The following CLSTN2 variants were observed in gnomAD, a reference collection of about 807,000 sequenced individuals.
The protein encoded by CLSTN2 is calsyntenin-2.
A neutral mutation model predicts 101.2 loss-of-function variants in CLSTN2; 48 were observed. The ratio of observed to expected loss-of-function variants is 0.47; its 90% CI spans 0.38 to 0.60. CLSTN2 has a LOEUF of 0.60. Among genes scored for constraint, CLSTN2 ranks in the 20% least tolerant of loss-of-function variants. The pLI, the probability that CLSTN2 is intolerant of heterozygous loss-of-function variation, is 0.00. For missense variants in CLSTN2, 1,160 were observed against 1,238.2 expected, an observed-to-expected ratio of 0.94 and a Z score of 0.95; for synonymous variants, 481 against 463.6, an observed-to-expected ratio of 1.04 and a Z score of -0.48.
chr3:140,113,006 C>A (rs1483977597), intron 1 of CLSTN2, among the ~76,000 whole-genome samples: 1 of 152,124 alleles, frequency 6.6e-6, no homozygotes, highest in Non-Finnish European at 1.5e-5. Context: ...AACCATCCTT[C>A]TGATGGCTGC....
chr3:140,559,130 T>C (rs1286307042), intron 12 of CLSTN2, among the ~76,000 whole-genome samples: 1 of 149,148 alleles, frequency 6.7e-6, no homozygotes, highest in Non-Finnish European at 1.5e-5. Context: ...CAAAGTTACA[T>C]AGTACCTACA....
intron 1 of CLSTN2, among the ~76,000 whole-genome samples, chr3:140,165,213 A>C (rs1419702822): frequency 6.6e-6 from 1 of 152,178 alleles, no homozygotes; most frequent in African/African-American, 2.4e-5. Context: ...TCTCTGATTA[A>C]GTGATGGCAA....
chr3:140,493,415 C>T (rs1351316484), intron 8 of CLSTN2, among the ~76,000 whole-genome samples: 2 of 152,174 alleles, frequency 1.3e-5, no homozygotes, highest in Non-Finnish European at 2.9e-5. Flanking sequence ...TATAGGGTCT[C>T]TTTGGAATCT....
intron 8 of CLSTN2, among the ~76,000 whole-genome samples, chr3:140,482,858 G>A (rs1479773923): frequency 7.2e-5 from 11 of 151,856 alleles, no homozygotes; most frequent in East Asian, 3.9e-4. Context: ...TCTTGCTAGC[G>A]GTGTATCAAT....
chr3:140,294,780 T>A (rs2086987871), intron 2 of CLSTN2, among the ~76,000 whole-genome samples: 1 of 152,212 alleles, frequency 6.6e-6, no homozygotes, highest in South Asian at 2.1e-4. Context: ...AATTCATTTC[T>A]CACAGCCCTG....
intron 1 of CLSTN2, among the ~76,000 whole-genome samples, chr3:140,149,391 C>A (rs1421506467): frequency 1.3e-5 from 2 of 152,270 alleles, no homozygotes; most frequent in East Asian, 3.9e-4. Flanking sequence ...TGGAAGCCTT[C>A]CTCTTCACCC....
chr3:140,072,742 G>A (rs374935999), intron 1 of CLSTN2, among the ~76,000 whole-genome samples: 3 of 150,916 alleles, frequency 2.0e-5, no homozygotes, highest in South Asian at 2.1e-4. Flanking sequence ...GAAGCTACTC[G>A]GTTTATTTGA....
chr3:140,035,255 G>A (rs1243338730), intron 1 of CLSTN2, among the ~76,000 whole-genome samples: 1 of 152,230 alleles, frequency 6.6e-6, no homozygotes, highest in Non-Finnish European at 1.5e-5. Context: ...GACCAAAAGA[G>A]AGCTTGGAGA....
intron 2 of CLSTN2, among the ~76,000 whole-genome samples, chr3:140,358,177 C>A (rs1379323159): frequency 6.6e-6 from 1 of 152,132 alleles, no homozygotes; most frequent in African/African-American, 2.4e-5. Context: ...CCTCTCCAGT[C>A]TCTCAAAGTG....
At chr3:140,226,376 T>C (rs2086320264) in intron 2 of CLSTN2, among the ~76,000 whole-genome samples, 1 of 152,186 alleles carries the variant, frequency 6.6e-6, no homozygotes, top group Non-Finnish European at 1.5e-5. Flanking sequence ...AAAAGCTGAG[T>C]AAAAGACACA....
intron 8 of CLSTN2, among the ~76,000 whole-genome samples, chr3:140,514,455 T>C (rs1934878381): frequency 6.6e-6 from 1 of 152,196 alleles, no homozygotes; most frequent in Non-Finnish European, 1.5e-5. Context: ...TTGTTCCTTT[T>C]TATAGCTGAG....
intron 2 of CLSTN2, among the ~76,000 whole-genome samples, chr3:140,283,458 T>G (rs2086867243): frequency 6.6e-6 from 1 of 152,166 alleles, no homozygotes; most frequent in Non-Finnish European, 1.5e-5. Flanking sequence ...TCCTGTAAAC[T>G]GAGCCTGTGG....
intron 1 of CLSTN2, among the ~76,000 whole-genome samples, chr3:140,165,239 T>A (rs1280050920): frequency 1.3e-5 from 2 of 152,158 alleles, no homozygotes; most frequent in Non-Finnish European, 2.9e-5. Context: ...ACCCTAAGAT[T>A]TGGGAGGCAT....
intron 1 of CLSTN2, among the ~76,000 whole-genome samples, chr3:140,092,999 C>A (rs914759458): frequency 6.6e-6 from 1 of 152,110 alleles, no homozygotes; most frequent in Non-Finnish European, 1.5e-5. Flanking sequence ...TTATCTTTCC[C>A]CAGAGTGTGG....
intron 2 of CLSTN2, among the ~76,000 whole-genome samples, chr3:140,372,106 T>C (rs1205691696): frequency 6.6e-6 from 1 of 152,152 alleles, no homozygotes; most frequent in African/African-American, 2.4e-5. Flanking sequence ...AGGAGCTTTG[T>C]CTACTGTTGC....
intron 2 of CLSTN2, among the ~76,000 whole-genome samples, chr3:140,241,228 A>G (rs2086464008): frequency 6.6e-6 from 1 of 152,176 alleles, no homozygotes; most frequent in Non-Finnish European, 1.5e-5. Context: ...CATGGTCAGG[A>G]TAGTAAATAG....
intron 2 of CLSTN2, among the ~76,000 whole-genome samples, chr3:140,199,967 G>A (rs1031587928): frequency 6.6e-6 from 1 of 152,220 alleles, no homozygotes; most frequent in African/African-American, 2.4e-5. Flanking sequence ...CACAAACACA[G>A]TTCAGATTCT....
At chr3:140,241,832 C>T (rs11928107) in intron 2 of CLSTN2, among the ~76,000 whole-genome samples, 2 of 146,540 alleles carry the variant, frequency 1.4e-5, no homozygotes, top group Non-Finnish European at 3.0e-5. Context: ...TATACACACA[C>T]ATATATATAT....
intron 1 of CLSTN2, among the ~76,000 whole-genome samples, chr3:139,974,501 G>A (rs1266600419): frequency 1.3e-5 from 2 of 152,166 alleles, no homozygotes; most frequent in Non-Finnish European, 2.9e-5. Context: ...GATCTCCCCA[G>A]GGCCCAGCAA....
Sources: allele counts gnomAD v4.1 joint callset (sites outside exome capture counted in the v4.1 genomes callset), GRCh38; gene constraint gnomAD v4.1.1; transcripts MANE v1.5; gene names NCBI Gene and HGNC (gene_info 2026-07-23, HGNC 2026-07-21).